RELL2: variants seen among roughly 807,000 people sequenced by gnomAD.
RELL2 encodes the protein RELT-like protein 2.
RELL2 carries 18 observed loss-of-function variants against 27.5 expected under a neutral mutation model. That is an observed-to-expected ratio of 0.65 (90% CI 0.45 to 0.97). The LOEUF is 0.97. RELL2 is among the 50% of genes least tolerant of loss of function. The pLI is 0.00. For missense variants in RELL2, 370 were observed against 397.5 expected, an observed-to-expected ratio of 0.93 and a Z score of 0.59; for synonymous variants, 156 against 147.5, an observed-to-expected ratio of 1.06 and a Z score of -0.42.
chr5:141,639,613 C>T lies in RELL2; in HGVS notation c.467C>T (p.Pro156Leu). Residue 156 changes from proline (P) to leucine (L), a missense_variant, in exon 4 of 7, where the codon CCC (proline) becomes CTC (leucine). Pro to Leu is a moderately conservative substitution (Grantham distance 98). Coordinates refer to ENST00000297164, the MANE Select transcript of RELL2 (RefSeq NM_173828.5). This position sits in a 1 kb window ranked among gnomAD's most constrained non-coding sequence, Gnocchi z 4.4. ...QGRSKEGKSR[P>L]RTGETTVFSV... ...CGCTCCAAGGAAGGAAAAAGCCGCC[C>T]CCGGACAGGGGAGACCACTGTGTTC... 6.2e-7 allele frequency: 1 copy of T among 1,613,230 alleles called. No homozygotes were observed. The highest frequency in any genetic ancestry group is 1.3e-5 in the African/African-American group (1 of 75,002).
At position 141,638,079 on chromosome 5, in the gene RELL2, G is replaced by T; in HGVS notation, c.-147G>T. 1.6e-6 allele frequency: 1 copy of T among 637,610 alleles called. No individual in the cohort carries two copies. Among genetic ancestry groups the T allele is most frequent in the Non-Finnish European group, 2.8e-6 (1 of 360,358 alleles). 39.5% of individuals were successfully genotyped at this position (637,610 alleles called of 1,614,324 possible). On this transcript the variant is annotated 5_prime_UTR_variant, in exon 1 of 7. Transcript: ENST00000297164. ...CTGGCCCGGACAGCTCCCTGGTTGG[G>T]TAGGGGGTGGGGCCGGACCTCAGCC...
Position 141,640,128 on chromosome 5 carries a change from C to T in RELL2, c.712C>T (p.Gln238Ter). 6.2e-7 allele frequency: 1 copy of T among 1,614,026 alleles called. No homozygotes were observed. Among genetic ancestry groups the T allele is most frequent in the Admixed American group, 1.7e-5 (1 of 60,026 alleles). Residue 238 changes from glutamine to a stop codon, truncating the protein, a stop_gained, in exon 5 of 7, where the codon CAG (glutamine) becomes TAG (stop). Transcript: ENST00000297164. LOFTEE classifies it high-confidence loss of function. ...CCAGGTCCTAGCCAGCCCCCCAGTA[C>T]AGAATGGAGGACTCAGGGACAGCAG... Reference protein sequence around the residue: ...QPQVLASPPVQNGGLRDSSLT... With the variant: ...QPQVLASPPV
In RELL2 at chr5:141,639,843, G is replaced by A; in HGVS notation, c.504-77G>A. ...AGAGGGAAGTAGCCACCAAACTCAG[G>A]ATGTCCCTGGTCAGAGGGGAGGGCC... On this transcript the variant is annotated intron_variant, in intron 4 of 6. Coordinates refer to ENST00000297164, the MANE Select transcript of RELL2 (RefSeq NM_173828.5). The surrounding 1 kb of genome is among the most constrained non-coding windows in gnomAD (Gnocchi z 4.4). 2 of 1,504,692 alleles carry A rather than the reference G, an allele frequency of 1.3e-6. No homozygotes were observed. The highest frequency in any genetic ancestry group is 9.2e-7 in the Non-Finnish European group (1 of 1,086,940). 93.2% of individuals were successfully genotyped at this position (1,504,692 alleles called of 1,614,324 possible). A position where few individuals can be genotyped will look rare whatever the true frequency, so the allele number is the denominator to read the frequency against.
rs1562379549 is a variant in RELL2, at chr5:141,639,352, TG to T, written c.318-108del. ...GATAAAGACAAGAAAAAATGGGGCT[TG>T]GGGAAATTGGGGCTTCTGGGGTTTT... is the stretch of plus-strand genomic sequence containing the variant. On this transcript the variant is annotated intron_variant, in intron 3 of 6. Coordinates refer to ENST00000297164, the MANE Select transcript of RELL2 (RefSeq NM_173828.5). This position sits in a 1 kb window ranked among gnomAD's most constrained non-coding sequence, Gnocchi z 4.4. 4 of 815,266 alleles carry T rather than the reference TG, an allele frequency of 4.9e-6. No homozygotes were observed. Among genetic ancestry groups the T allele is most frequent in the Non-Finnish European group, 5.7e-6 (3 of 524,508 alleles). 50.5% of individuals were successfully genotyped at this position (815,266 alleles called of 1,614,324 possible).
Position 141,639,173 on chromosome 5 carries a change from C to G in RELL2, c.317+152C>G, listed in dbSNP as rs1372558655. ...AGGAAGAAAGTTGTTTTGTAGAAAT[C>G]GCGATTCCTTCAAACCATCTCTCTC... On this transcript the variant is annotated intron_variant, in intron 3 of 6. Coordinates refer to ENST00000297164, the MANE Select transcript of RELL2 (RefSeq NM_173828.5). This position sits in a 1 kb window ranked among gnomAD's most constrained non-coding sequence, Gnocchi z 4.4. 3.0e-6 allele frequency: 2 copies of G among 670,888 alleles called. No individual in the cohort carries two copies. The highest frequency in any genetic ancestry group is 5.8e-5 in the Admixed American group (2 of 34,618). The allele number at this position is 670,888 out of a possible 1,614,324, so 41.6% of individuals were successfully genotyped here.
Position 141,640,395 on chromosome 5 carries a change from C to T in RELL2, c.880-17C>T. 1 of 1,614,186 alleles carries T rather than the reference C, an allele frequency of 6.2e-7. No individual in the cohort carries two copies. The highest frequency in any genetic ancestry group is 8.5e-7 in the Non-Finnish European group (1 of 1,180,012). On this transcript the variant is annotated splice_polypyrimidine_tract_variant and intron_variant, in intron 5 of 6. Transcript: ENST00000297164. ...TACTCCTGGTCTCTCATTGTTGACCCCTCCCCTTTCTCTCAGGTGTCTCTA... is the reference window on the plus strand; with the variant it reads ...TACTCCTGGTCTCTCATTGTTGACCTCTCCCCTTTCTCTCAGGTGTCTCTA...
chr5:141,639,861 G>C lies in RELL2; in HGVS notation c.504-59G>C. 1 of 1,563,916 alleles carries C rather than the reference G, an allele frequency of 6.4e-7. No homozygotes were observed. The highest frequency in any genetic ancestry group is 2.2e-5 in the East Asian group (1 of 44,674). On this transcript the variant is annotated intron_variant, in intron 4 of 6. Transcript: ENST00000297164. This position sits in a 1 kb window ranked among gnomAD's most constrained non-coding sequence, Gnocchi z 4.4. Reference sequence around the variant, plus strand: ...AACTCAGGATGTCCCTGGTCAGAGGGGAGGGCCAAGCAGCCTCTGAGTTGT... The same window carrying C: ...AACTCAGGATGTCCCTGGTCAGAGGCGAGGGCCAAGCAGCCTCTGAGTTGT...
chr5:141,638,845 A>G lies in RELL2; in HGVS notation c.235A>G (p.Ile79Val), dbSNP rs776444530. The change falls in exon 2 of 7, where the codon ATC (isoleucine) becomes GTC (valine). Residue 79 changes from isoleucine to valine, a missense_variant. Physicochemically the swap from Ile to Val is conservative, Grantham distance 29. Transcript: ENST00000297164. Reference sequence around the variant, plus strand: ...CACAGTAGAGAGGATTGTTCGCTGCATCATCCAGAATGAAGGTGGGTCTAG... The same window carrying G: ...CACAGTAGAGAGGATTGTTCGCTGCGTCATCCAGAATGAAGGTGGGTCTAG... ...EDTVERIVRC[I>V]IQNEANAEAL... 6.2e-7 allele frequency: 1 copy of G among 1,614,028 alleles called. No individual in the cohort carries two copies. Among genetic ancestry groups the G allele is most frequent in the African/African-American group, 1.3e-5 (1 of 74,940 alleles).
rs536764365 is a variant in RELL2 at position 141,640,996 on chromosome 5, A to T, written c.*327A>T. The T allele has an allele frequency of 4.9e-5, 21 of 426,870 alleles. No individual in the cohort carries two copies. The highest frequency in any genetic ancestry group is 3.6e-4 in the African/African-American group (18 of 49,872). The allele number at this position is 426,870 out of a possible 1,614,324, so 26.4% of individuals were successfully genotyped here. A position where few individuals can be genotyped will look rare whatever the true frequency, so the allele number is the denominator to read the frequency against. On this transcript the variant is annotated 3_prime_UTR_variant, in exon 7 of 7. Coordinates refer to ENST00000297164, the MANE Select transcript of RELL2 (RefSeq NM_173828.5). ...CGTAGGCCCCCTGCCCTCTTAGCAC[A>T]AGAGGCCCAGGCCCTGGCCTGGCCT...
chr5:141,640,565 AT>A, intron 6 of RELL2, 105 bp from the exon 7 acceptor site: 8 of 1,564,652 alleles, frequency 5.1e-6, no homozygotes, highest in Non-Finnish European at 6.9e-6. Flanking sequence ...TTTGCTATAA[AT>A]CCCTTGGTTT....
In RELL2 at chr5:141,639,235, G is replaced by A. The variant is rs1160472542; in HGVS notation, c.317+214G>A. 3.3e-6 allele frequency: 2 copies of A among 611,948 alleles called. No homozygotes were observed. The highest frequency in any genetic ancestry group is 5.7e-6 in the Non-Finnish European group (2 of 349,124). 37.9% of individuals were successfully genotyped at this position (611,948 alleles called of 1,614,324 possible). A position where few individuals can be genotyped will look rare whatever the true frequency, so the allele number is the denominator to read the frequency against. On this transcript the variant is annotated intron_variant, in intron 3 of 6. Coordinates refer to ENST00000297164, the MANE Select transcript of RELL2 (RefSeq NM_173828.5). This position sits in a 1 kb window ranked among gnomAD's most constrained non-coding sequence, Gnocchi z 4.4. ...ATCAAGCCTAACATTCACCTCTAGT[G>A]CCACTCCTTTGGGTTAAGCAGTGTT...
In RELL2 at chr5:141,639,527, C is replaced by T; in HGVS notation, c.381C>T (p.Gly127=). The part of the protein sequence containing the change: ...APSHHHTVHL[G]SAAPCLHCSR... ...CCCATCATCACACAGTGCACCTGGG[C>T]TCTGCAGCCCCTTGCCTCCATTGCA... is the stretch of plus-strand genomic sequence containing the variant. Residue 127 remains glycine, a synonymous_variant, in exon 4 of 7, where the codon GGC becomes GGT. Transcript: ENST00000297164. This position sits in a 1 kb window ranked among gnomAD's most constrained non-coding sequence, Gnocchi z 4.4. The T allele has an allele frequency of 6.2e-7, 1 of 1,614,004 alleles. No individual in the cohort carries two copies. Among genetic ancestry groups the T allele is most frequent in the Non-Finnish European group, 8.5e-7 (1 of 1,179,964 alleles).
Position 141,640,091 on chromosome 5 carries a change from G to C in RELL2, c.675G>C (p.Glu225Asp). ...CTGCCATGGAGAGGCTGCCCCCTGAGAGGCCACAGCCCCAGGTCCTAGCCA... is the reference window on the plus strand; with the variant it reads ...CTGCCATGGAGAGGCTGCCCCCTGACAGGCCACAGCCCCAGGTCCTAGCCA... ...GMPAMERLPP[E>D]RPQPQVLASP... The change falls in exon 5 of 7, where the codon GAG becomes GAC. Residue 225 changes from glutamate (E) to aspartate (D), a missense_variant. By Grantham distance (45) the Glu-to-Asp change is conservative. Transcript: ENST00000297164. 6.2e-7 allele frequency: 1 copy of C among 1,613,630 alleles called. No homozygotes were observed. Among genetic ancestry groups the C allele is most frequent in the South Asian group, 1.1e-5 (1 of 91,080 alleles).
At position 141,639,015 on chromosome 5, in the gene RELL2, T is replaced by A. The variant is rs1216903765; in HGVS notation, c.311T>A (p.Leu104Gln). The change falls in exon 3 of 7, where the codon CTG becomes CAG. Residue 104 changes from leucine (L) to glutamine (Q), a missense_variant. By Grantham distance (113) the Leu-to-Gln change is moderately radical (BLOSUM62 -2). Transcript: ENST00000297164. The surrounding 1 kb of genome is among the most constrained non-coding windows in gnomAD (Gnocchi z 4.4). ...AGTGAAGGAGAAGGGACAGTGCAGC[T>A]GTCCAGGTGAGCTGGAAACAAGGGC... is the stretch of plus-strand genomic sequence containing the variant. ...GDSEGEGTVQ[L>Q]SSVDATSSLQ... is the part of the protein sequence containing the mutation. The A allele has an allele frequency of 5.0e-6, 8 of 1,613,816 alleles. No homozygotes were observed. The South Asian group carries it at 8.8e-5, about 18-fold the overall frequency.
rs1030834911 is a variant in RELL2 at position 141,639,628 on chromosome 5, C to T, written c.482C>T (p.Thr161Ile). 2.5e-6 allele frequency: 4 copies of T among 1,607,756 alleles called. No individual in the cohort carries two copies. In the Admixed American group the frequency reaches 5.1e-5, roughly 20 times the overall value. Reference protein sequence around the residue: ...EGKSRPRTGETTVFSVGRFRV... With the variant: ...EGKSRPRTGEITVFSVGRFRV... ...AAAAGCCGCCCCCGGACAGGGGAGA[C>T]CACTGTGTTCTCTGTGGGCAGGTGG... is the stretch of plus-strand genomic sequence containing the variant. Residue 161 changes from threonine (T) to isoleucine (I), a missense_variant, in exon 4 of 7, where the codon ACC becomes ATC. Thr to Ile is a moderately conservative substitution (Grantham distance 89, BLOSUM62 -1). Coordinates refer to ENST00000297164, the MANE Select transcript of RELL2 (RefSeq NM_173828.5). The surrounding 1 kb of genome is among the most constrained non-coding windows in gnomAD (Gnocchi z 4.4).
chr5:141,640,181 C>A lies in RELL2; in HGVS notation c.765C>A (p.Asn255Lys), dbSNP rs1399113551. The stretch of plus-strand genomic sequence containing the variant: ...TAACCCCTCGTGCACTTGAAGGGAA[C>A]CCCAGAGCTTCTGCAGAGCCAACAC... ...SSLTPRALEG[N>K]PRASAEPTLR... The change falls in exon 5 of 7, where the codon AAC (asparagine) becomes AAA (lysine). Residue 255 changes from asparagine to lysine, a missense_variant. Asn to Lys is a moderately conservative substitution (Grantham distance 94). Coordinates refer to ENST00000297164, the MANE Select transcript of RELL2 (RefSeq NM_173828.5). The A allele has an allele frequency of 6.2e-7, 1 of 1,614,058 alleles. No individual in the cohort carries two copies. The highest frequency in any genetic ancestry group is 8.5e-7 in the Non-Finnish European group (1 of 1,180,016).
chr5:141,639,457 T>C lies in RELL2; in HGVS notation c.318-7T>C. Reference sequence around the variant, plus strand: ...TTACCCTCACTCCCCTCCTCCCTGCTGTCCAGTGTGGATGCCACCTCCAGC... The same window carrying C: ...TTACCCTCACTCCCCTCCTCCCTGCCGTCCAGTGTGGATGCCACCTCCAGC... On this transcript the variant is annotated splice_polypyrimidine_tract_variant and splice_region_variant and intron_variant, in intron 3 of 6. Coordinates refer to ENST00000297164, the MANE Select transcript of RELL2 (RefSeq NM_173828.5). The surrounding 1 kb of genome is among the most constrained non-coding windows in gnomAD (Gnocchi z 4.4). 1.2e-6 allele frequency: 2 copies of C among 1,601,244 alleles called. No individual in the cohort carries two copies. Among genetic ancestry groups the C allele is most frequent in the South Asian group, 2.2e-5 (2 of 90,500 alleles).
Position 141,640,437 on chromosome 5 carries a change from G to GT in RELL2, c.906dup (p.Met303TyrfsTer83). 1 of 1,614,198 alleles carries GT rather than the reference G, an allele frequency of 6.2e-7. No homozygotes were observed. Among genetic ancestry groups the GT allele is most frequent in the Non-Finnish European group, 8.5e-7 (1 of 1,180,020 alleles). On this transcript the variant is annotated frameshift_variant, in exon 6 of 7. Coordinates refer to ENST00000297164, the MANE Select transcript of RELL2 (RefSeq NM_173828.5). LOFTEE classifies it high-confidence loss of function. ...GTGTCTCTACCACAGGGAGCAGGGA[G>GT]TATGTGAGGTGAGTCTGCCTGAGCC...
At position 141,640,183 on chromosome 5, in the gene RELL2, C is replaced by G; in HGVS notation, c.767C>G (p.Pro256Arg). The G allele has an allele frequency of 6.2e-7, 1 of 1,614,144 alleles. No individual in the cohort carries two copies. The change falls in exon 5 of 7, where the codon CCC becomes CGC. Residue 256 changes from proline (P) to arginine (R), a missense_variant. Physicochemically the swap from Pro to Arg is moderately radical, Grantham distance 103 (BLOSUM62 -2). Coordinates refer to ENST00000297164, the MANE Select transcript of RELL2 (RefSeq NM_173828.5). ...ACCCCTCGTGCACTTGAAGGGAACC[C>G]CAGAGCTTCTGCAGAGCCAACACTG... Reference protein sequence around the residue: ...SLTPRALEGNPRASAEPTLRA... With the variant: ...SLTPRALEGNRRASAEPTLRA...
Sources: allele counts gnomAD v4.1 joint callset, GRCh38; gene constraint gnomAD v4.1.1; non-coding constraint Gnocchi (gnomAD v3.1); transcripts MANE v1.5; gene names NCBI Gene and HGNC (gene_info 2026-07-23, HGNC 2026-07-21).